The following CDK5RAP1 variants were observed in gnomAD, a reference collection of about 807,000 sequenced individuals.
CDK5RAP1 encodes the protein mitochondrial tRNA methylthiotransferase CDK5RAP1.
Under a neutral mutation model 64.5 loss-of-function variants are expected in CDK5RAP1, and 62 were observed. The ratio of observed to expected loss-of-function variants is 0.96; its 90% confidence interval spans 0.78 to 1.19. CDK5RAP1 has a LOEUF of 1.19. CDK5RAP1 is among the 50% of genes most tolerant of loss of function. The probability of loss-of-function intolerance (pLI) is 0.00; values close to 1 mark genes in which losing one functional copy is unlikely to be tolerated. For synonymous variants in CDK5RAP1, 250 were observed against 261.9 expected (o/e 0.95, Z 0.44); for missense variants, 657 against 735.0 (o/e 0.89, Z 1.23).
chr20:33,376,278 C>T (rs764837635), intron 8 of CDK5RAP1, among the ~76,000 whole-genome samples: 6 of 151,854 alleles, frequency 4.0e-5, no homozygotes, highest in Non-Finnish European at 7.4e-5. Flanking sequence ...GAGCTGAGAT[C>T]GCACCACCGC....
intron 12 of CDK5RAP1, among the ~76,000 whole-genome samples, chr20:33,364,523 C>T (rs1442061037): frequency 6.6e-6 from 1 of 151,948 alleles, no homozygotes; most frequent in African/African-American, 2.4e-5. Flanking sequence ...AAATCACCCA[C>T]CAGGAGCAGT....
intron 5 of CDK5RAP1, among the ~76,000 whole-genome samples, chr20:33,391,705 A>G (rs930833789): frequency 6.6e-6 from 1 of 152,154 alleles, no homozygotes; most frequent in Non-Finnish European, 1.5e-5. Flanking sequence ...CTGTAATCCC[A>G]GCTACTCGGG....
At chr20:33,400,199 T>G (rs1251281747) in intron 1 of CDK5RAP1, among the ~76,000 whole-genome samples, 1 of 152,258 alleles carries the variant, frequency 6.6e-6, no homozygotes, top group African/African-American at 2.4e-5. Flanking sequence ...CCTCCTGCTG[T>G]GCAACCCGGT....
chr20:33,401,078 A>G (rs915393284), intron 1 of CDK5RAP1, among the ~76,000 whole-genome samples: 5 of 152,180 alleles, frequency 3.3e-5, no homozygotes, highest in South Asian at 2.1e-4. Flanking sequence ...CATCCCAAAC[A>G]TTTTATTGGC....
chr20:33,370,405 C>G, intron 11 of CDK5RAP1, 94 bp downstream of exon 11: 1 of 1,353,404 alleles, frequency 7.4e-7, no homozygotes, highest in South Asian at 1.4e-5. Flanking sequence ...CAAGGACTGC[C>G]TTGCCGCCAC....
chr20:33,377,709 T>C (rs1210764321), intron 8 of CDK5RAP1, among the ~76,000 whole-genome samples: 1 of 152,194 alleles, frequency 6.6e-6, no homozygotes, highest in Non-Finnish European at 1.5e-5. Flanking sequence ...TGGAATGCAG[T>C]GGCACAATCT....
At position 33,370,623 on chromosome 20, in the gene CDK5RAP1, C is replaced by A; in HGVS notation, c.1268G>T (p.Ser423Ile). Reference protein sequence around the residue: ...HHIRESIPGVSLSSDFIAGFC... With the variant: ...HHIRESIPGVILSSDFIAGFC... ...GCCAGCAATGAAATCGCTGCTGAGG[C>A]TCACACCTGTGATACACAGCAAAGG... The change falls in exon 11 of 14, where the codon AGC becomes ATC. Residue 423 changes from serine to isoleucine, a missense_variant. Ser to Ile is a moderately radical substitution (Grantham distance 142). Transcript: ENST00000346416. The A allele has an allele frequency of 6.2e-7, 1 of 1,614,148 alleles. No individual in the cohort carries two copies. The highest frequency in any genetic ancestry group is 8.5e-7 in the Non-Finnish European group (1 of 1,180,000).
In CDK5RAP1 at chr20:33,401,413, G is replaced by T; in HGVS notation, c.-21+15C>A. On this transcript the variant is annotated intron_variant, in intron 1 of 13. Coordinates refer to ENST00000346416, the MANE Select transcript of CDK5RAP1 (RefSeq NM_016408.4). ...AAGCGGGTGCGCAGCCCACCCCGGC[G>T]GCCGCGCTGCTCACCTCCCGCAGCA... 1 of 985,460 alleles carries T rather than the reference G, an allele frequency of 1.0e-6. No homozygotes were observed. 61.0% of individuals were successfully genotyped at this position (985,460 alleles called of 1,614,324 possible).
At chr20:33,396,707 T>C in intron 2 of CDK5RAP1, 54 bp downstream of exon 2, 2 of 1,300,516 alleles carry the variant, frequency 1.5e-6, no homozygotes. Context: ...ATGCCAGGAA[T>C]GACAGAGAGG....
chr20:33,398,783 G>A (rs949981059), intron 1 of CDK5RAP1, among the ~76,000 whole-genome samples: 12 of 151,940 alleles, frequency 7.9e-5, no homozygotes, highest in Admixed American at 7.2e-4. Flanking sequence ...AAAAATAGCC[G>A]AGCACAGTGA....
intron 1 of CDK5RAP1, among the ~76,000 whole-genome samples, chr20:33,397,880 T>C (rs912111988): frequency 5.3e-5 from 8 of 151,924 alleles, no homozygotes; most frequent in Non-Finnish European, 1.2e-4. Context: ...TAGTCCCAAC[T>C]ACTCAGGAGG....
Position 33,395,128 on chromosome 20 carries a change from G to C in CDK5RAP1, c.305-12C>G. ...GGTCTCGAGGTAGACTGCAGTGAGA[G>C]GTTGGGGGGAATCCATGGTAGACAG... On this transcript the variant is annotated splice_polypyrimidine_tract_variant and intron_variant, in intron 2 of 13. Transcript: ENST00000346416. 1 of 1,508,270 alleles carries C rather than the reference G, an allele frequency of 6.6e-7. No individual in the cohort carries two copies. The highest frequency in any genetic ancestry group is 9.2e-7 in the Non-Finnish European group (1 of 1,083,836). 93.4% of individuals were successfully genotyped at this position (1,508,270 alleles called of 1,614,324 possible).
At chr20:33,397,476 T>G (rs986682426) in intron 1 of CDK5RAP1, among the ~76,000 whole-genome samples, 2 of 152,220 alleles carry the variant, frequency 1.3e-5, no homozygotes, top group Non-Finnish European at 2.9e-5. Flanking sequence ...AGACATAGGT[T>G]GAGGAACTCA....
At chr20:33,365,796 G>A (rs1443809890) in intron 12 of CDK5RAP1, among the ~76,000 whole-genome samples, 7 of 152,160 alleles carry the variant, frequency 4.6e-5, no homozygotes. Flanking sequence ...GGCACTCTGT[G>A]CTGATGGCCA....
chr20:33,372,918 T>C, intron 9 of CDK5RAP1: 1 of 327,784 alleles, frequency 3.1e-6, no homozygotes, highest in Non-Finnish European at 5.5e-6. Context: ...ATAAACTTTT[T>C]TTTTTTTTTT....
intron 9 of CDK5RAP1, chr20:33,373,223 T>C (rs1361475258): frequency 2.4e-5 from 1 of 42,440 alleles, no homozygotes; most frequent in East Asian, 3.4e-4. Flanking sequence ...GGTGTGTGCA[T>C]GTGTGTGTGT....
chr20:33,400,232 A>C (rs567440996), intron 1 of CDK5RAP1, among the ~76,000 whole-genome samples: 1 of 152,354 alleles, frequency 6.6e-6, no homozygotes, highest in East Asian at 1.9e-4. Flanking sequence ...ACAGACAGGT[A>C]CCATTCTACC....
intron 7 of CDK5RAP1, among the ~76,000 whole-genome samples, chr20:33,380,441 A>G (rs1338364741): frequency 4.6e-5 from 7 of 151,990 alleles, no homozygotes. Flanking sequence ...AACTCAAGCA[A>G]TCCTCCCACC....
Position 33,361,574 on chromosome 20 carries a change from G to A in CDK5RAP1, c.1543-1083C>T, listed in dbSNP as rs1448620279. ...TAAGTTCTTGGAGGGTGGAAATTGT[G>A]CTCATCGGTTCCTTGGGATATATTC... On this transcript the variant is annotated intron_variant, in intron 12 of 13. Transcript: ENST00000346416. Among the ~76,000 whole-genome samples, 7 of 152,300 alleles carry A rather than the reference G, an allele frequency of 4.6e-5. No individual in the cohort carries two copies. In the East Asian group the frequency reaches 1.2e-3, roughly 25 times the overall value.
Sources: allele counts gnomAD v4.1 joint callset (sites outside exome capture counted in the v4.1 genomes callset), GRCh38; gene constraint gnomAD v4.1.1; transcripts MANE v1.5; gene names NCBI Gene and HGNC (gene_info 2026-07-23, HGNC 2026-07-21).